Variants in PRKCA observed in about 807,000 individuals in gnomAD.
The protein encoded by PRKCA is protein kinase C alpha, also known as protein kinase C alpha type.
Under a neutral mutation model 87.0 loss-of-function variants are expected in PRKCA, and 27 were observed. That is an observed-to-expected ratio of 0.31 (90% CI 0.23 to 0.43). The LOEUF (loss-of-function observed/expected upper bound fraction) is 0.43, where lower values mean the gene tolerates loss of function less well. Ranked by LOEUF, PRKCA falls within the 20% of genes least tolerant of loss-of-function variation. The pLI is 1.00. For missense variants in PRKCA, 518 were observed against 852.3 expected (o/e 0.61, Z 4.88); for synonymous variants, 329 against 311.1 (o/e 1.06, Z -0.61).
At position 66,314,875 on chromosome 17, in the gene PRKCA, ATGTGTG is replaced by A. The variant is rs56889057; in HGVS notation, c.205+8770_205+8775del. On this transcript the variant is annotated intron_variant, in intron 2 of 16. Coordinates refer to ENST00000413366, the MANE Select transcript of PRKCA (RefSeq NM_002737.3). ...TCTCTCTCTCTCTAGATATATATAT[ATGTGTG>A]TGTGTGTGTGTGTGTGTGTGTATGT... Among the ~76,000 whole-genome samples the A allele has an allele frequency of 6.1e-4, 91 of 148,662 alleles. 1 individual carries two copies. The highest frequency in any genetic ancestry group is 1.1e-3 in the African/African-American group (44 of 40,344).
At chr17:66,785,452 AT>A (rs1975358677) in intron 14 of PRKCA, among the ~76,000 whole-genome samples, 2 of 152,192 alleles carry the variant, frequency 1.3e-5, no homozygotes, top group Non-Finnish European at 2.9e-5. Context: ...AGAAAGGAAC[AT>A]CTCAAGATTA....
intron 2 of PRKCA, among the ~76,000 whole-genome samples, chr17:66,404,834 C>G (rs1911265129): frequency 7.0e-6 from 1 of 143,004 alleles, no homozygotes; most frequent in East Asian, 2.1e-4. Context: ...ACTGCAACCT[C>G]TGTCTCCTGG....
chr17:66,371,348 G>A (rs1381093216), intron 2 of PRKCA, among the ~76,000 whole-genome samples: 1 of 152,136 alleles, frequency 6.6e-6, no homozygotes, highest in Non-Finnish European at 1.5e-5. Flanking sequence ...ACCATTTTCT[G>A]TGTGTTTGTG....
At chr17:66,769,115 G>A (rs1239554213) in intron 13 of PRKCA, among the ~76,000 whole-genome samples, 2 of 152,108 alleles carry the variant, frequency 1.3e-5, no homozygotes, top group Non-Finnish European at 2.9e-5. Flanking sequence ...GTTAAAATAG[G>A]CATTTCCAGG....
intron 2 of PRKCA, among the ~76,000 whole-genome samples, chr17:66,495,952 A>G (rs901489801): frequency 1.3e-5 from 2 of 151,996 alleles, no homozygotes; most frequent in Non-Finnish European, 1.5e-5. Flanking sequence ...CTCTCCCTCA[A>G]CTTCAGAGAG....
At chr17:66,421,167 A>T (rs1390326312) in intron 2 of PRKCA, among the ~76,000 whole-genome samples, 2 of 152,214 alleles carry the variant, frequency 1.3e-5, no homozygotes, top group East Asian at 3.9e-4. Flanking sequence ...AGTTGGGCAC[A>T]TGCATACTGC....
intron 2 of PRKCA, among the ~76,000 whole-genome samples, chr17:66,492,132 T>C (rs1403953087): frequency 6.6e-6 from 1 of 152,234 alleles, no homozygotes; most frequent in Non-Finnish European, 1.5e-5. Context: ...TATGAGTGGC[T>C]GTCTGGAAAC....
intron 2 of PRKCA, among the ~76,000 whole-genome samples, chr17:66,348,247 T>A (rs150761385): frequency 2.7e-4 from 41 of 152,110 alleles, no homozygotes; most frequent in African/African-American, 9.4e-4. Flanking sequence ...TGGCCCAGAA[T>A]CAATAATTGT....
At chr17:66,627,379 A>T (rs1341523009) in intron 3 of PRKCA, among the ~76,000 whole-genome samples, 1 of 152,200 alleles carries the variant, frequency 6.6e-6, no homozygotes, top group Non-Finnish European at 1.5e-5. Context: ...GGCATTGCTT[A>T]GGACACATTT....
In PRKCA at chr17:66,542,981, A is replaced by G. The variant is rs1386522956; in HGVS notation, c.288+46698A>G. Among the ~76,000 whole-genome samples, 9 of 152,314 alleles carry G rather than the reference A, an allele frequency of 5.9e-5. No individual in the cohort carries two copies. The East Asian group carries it at 1.5e-3, about 26-fold the overall frequency. ...ATCTTGGAGTTACAGTTAAGAGTCA[A>G]TTATTGTTTCATCTATAGGCATCCA... is the stretch of plus-strand genomic sequence containing the variant. On this transcript the variant is annotated intron_variant, in intron 3 of 16. Transcript: ENST00000413366.
At chr17:66,767,837 G>A (rs1186906971) in intron 13 of PRKCA, among the ~76,000 whole-genome samples, 3 of 152,196 alleles carry the variant, frequency 2.0e-5, no homozygotes, top group African/African-American at 7.2e-5. Flanking sequence ...ATTATGAAAT[G>A]TAGGGGAGCA....
At chr17:66,666,727 CTCTT>C (rs1277400065) in intron 5 of PRKCA, among the ~76,000 whole-genome samples, 1 of 152,156 alleles carries the variant, frequency 6.6e-6, no homozygotes, top group East Asian at 1.9e-4. Context: ...CAAAATCTGA[CTCTT>C]TGTCTGTCAG....
intron 2 of PRKCA, among the ~76,000 whole-genome samples, chr17:66,347,104 A>G (rs572858341): frequency 1.3e-5 from 2 of 152,212 alleles, no homozygotes; most frequent in East Asian, 1.9e-4. Flanking sequence ...TATTGGTCAT[A>G]TTAGAAATTT....
At chr17:66,697,216 A>G (rs76200251) in intron 8 of PRKCA, among the ~76,000 whole-genome samples, 2,811 of 152,306 alleles carry the variant, frequency 0.018, 81 homozygotes, top group African/African-American at 0.063. Context: ...GTAAATAGCT[A>G]CATTTTGCCT....
Position 66,347,941 on chromosome 17 carries a change from C to CTTTTTTTTTTTTTTTTTTTTT in PRKCA, c.205+41833_205+41834insTTTTTTTTTTTTTTTTTTTTT, listed in dbSNP as rs57292153. On this transcript the variant is annotated intron_variant, in intron 2 of 16. Coordinates refer to ENST00000413366, the MANE Select transcript of PRKCA (RefSeq NM_002737.3). ...AGAATATTTACTCAGAATTCTGAAC[C>CTTTTTTTTTTTTTTTTTTTTT]TTTTTTTTTTTTTTTTTTTGAGACA... 5.4e-3 allele frequency among the ~76,000 whole-genome samples: 304 copies of CTTTTTTTTTTTTTTTTTTTTT among 56,450 alleles called. 109 individuals carry two copies. Among genetic ancestry groups the CTTTTTTTTTTTTTTTTTTTTT allele is most frequent in the Non-Finnish European group, 7.7e-3 (234 of 30,410 alleles). 37.0% of individuals were successfully genotyped at this position (56,450 alleles called of 152,430 possible). A position where few individuals can be genotyped will look rare whatever the true frequency, so the allele number is the denominator to read the frequency against.
chr17:66,594,629 T>C lies in PRKCA; in HGVS notation c.289-46726T>C, dbSNP rs568626731. Among the ~76,000 whole-genome samples, 3 of 152,250 alleles carry C rather than the reference T, an allele frequency of 2.0e-5. No homozygotes were observed. The South Asian group carries it at 6.2e-4, about 32-fold the overall frequency. On this transcript the variant is annotated intron_variant, in intron 3 of 16. Coordinates refer to ENST00000413366, the MANE Select transcript of PRKCA (RefSeq NM_002737.3). The stretch of plus-strand genomic sequence containing the variant: ...CATGTGGGTTTTTTTTTAATTTATT[T>C]GTTTGTTTTTGGCACATTTACAGTT...
chr17:66,507,266 A>G (rs1297828424), intron 3 of PRKCA, among the ~76,000 whole-genome samples: 1 of 152,184 alleles, frequency 6.6e-6, no homozygotes, highest in Non-Finnish European at 1.5e-5. Context: ...TATTGTTCCC[A>G]TTGTACAGAT....
intron 2 of PRKCA, among the ~76,000 whole-genome samples, chr17:66,394,407 G>C (rs1375982464): frequency 6.6e-6 from 1 of 152,230 alleles, no homozygotes; most frequent in Non-Finnish European, 1.5e-5. Flanking sequence ...CTTAGCAGAG[G>C]AGCTGGCTCA....
chr17:66,486,166 G>A (rs1234741778), intron 2 of PRKCA, among the ~76,000 whole-genome samples: 1 of 152,052 alleles, frequency 6.6e-6, no homozygotes, highest in Non-Finnish European at 1.5e-5. Flanking sequence ...AAATATTTTT[G>A]CGTGATTTGT....
Sources: allele counts gnomAD v4.1 joint callset (sites outside exome capture counted in the v4.1 genomes callset), GRCh38; gene constraint gnomAD v4.1.1; transcripts MANE v1.5; gene names NCBI Gene and HGNC (gene_info 2026-07-23, HGNC 2026-07-21).